The following UNC93A variants were observed in gnomAD, a reference collection of about 807,000 sequenced individuals.
The protein encoded by UNC93A is N-acetylglucosamine transporter UNC93A.
Under a neutral mutation model 47.5 loss-of-function variants are expected in UNC93A, and 43 were observed. The ratio of observed to expected loss-of-function variants is 0.91; its 90% CI spans 0.71 to 1.17. UNC93A has a LOEUF of 1.17. Ranked by LOEUF, UNC93A falls within the 50% of genes most tolerant of loss-of-function variation. The pLI, the probability that UNC93A is intolerant of heterozygous loss-of-function variation, is 0.00. For synonymous variants in UNC93A, 280 were observed against 258.0 expected (o/e 1.09, Z -0.82); for missense variants, 605 against 577.6 (o/e 1.05, Z -0.49).
intron 6 of UNC93A, 125 bp from the exon 7 acceptor site, chr6:167,307,654 A>G: frequency 8.3e-7 from 1 of 1,210,742 alleles, no homozygotes; most frequent in Non-Finnish European, 1.2e-6. Flanking sequence ...GATGGTTGAG[A>G]CGGTTCCAGA....
Position 167,296,587 on chromosome 6 carries a change from A to G in UNC93A, c.499+326A>G, listed in dbSNP as rs190627868. Among the ~76,000 whole-genome samples, 530 of 152,306 alleles carry G rather than the reference A, an allele frequency of 3.5e-3. 3 individuals are homozygous for G. Among genetic ancestry groups the G allele is most frequent in the African/African-American group, 0.012 (488 of 41,558 alleles). ...GTGTTCATGGAGTCTCAACTGCACA[A>G]CTGTCCTTTTTAGACTAAGGATGGG... is the stretch of plus-strand genomic sequence containing the variant. On this transcript the variant is annotated intron_variant, in intron 3 of 7. Coordinates refer to ENST00000230256, the MANE Select transcript of UNC93A (RefSeq NM_018974.4).
upstream of UNC93A, among the ~76,000 whole-genome samples, chr6:167,291,118 A>C (rs927566270): frequency 6.6e-6 from 1 of 152,214 alleles, no homozygotes; most frequent in Non-Finnish European, 1.5e-5. Flanking sequence ...TTCTATATAC[A>C]CATAAAAAGT....
intron 5 of UNC93A, 62 bp from the exon 6 acceptor site, chr6:167,305,853 T>A: frequency 1.2e-6 from 2 of 1,610,272 alleles, no homozygotes; most frequent in Non-Finnish European, 1.7e-6. Flanking sequence ...CGACTGCAGC[T>A]TTAGCTTGAG....
chr6:167,313,758 G>A (rs981662964), intron 7 of UNC93A, among the ~76,000 whole-genome samples: 3 of 152,090 alleles, frequency 2.0e-5, no homozygotes, highest in African/African-American at 4.8e-5. Flanking sequence ...ACCACTTATA[G>A]CCATGGTGTC....
At position 167,294,717 on chromosome 6, in the gene UNC93A, C is replaced by A; in HGVS notation, c.269+19C>A. On this transcript the variant is annotated intron_variant, in intron 2 of 7. Transcript: ENST00000230256. ...CCAGCTGGTACGCAGCCACCACCCC[C>A]TGCCCACCCCACCCCGGCCGTTCCC... The A allele has an allele frequency of 6.4e-7, 1 of 1,571,198 alleles. No individual in the cohort carries two copies. The highest frequency in any genetic ancestry group is 1.2e-5 in the South Asian group (1 of 83,626).
intron 2 of UNC93A, 56 bp downstream of exon 2, chr6:167,294,754 C>A: frequency 7.9e-6 from 12 of 1,526,632 alleles, no homozygotes; most frequent in South Asian, 3.7e-5. Flanking sequence ...ACGCTAGGGA[C>A]GTTCACTCTG....
chr6:167,284,522 C>T (rs1332471660), intron 1 of UNC93A, among the ~76,000 whole-genome samples: 3 of 152,288 alleles, frequency 2.0e-5, no homozygotes, highest in Non-Finnish European at 2.9e-5. Flanking sequence ...GCCAGGCATG[C>T]CCATCCTCTC....
At chr6:167,305,389 T>C (rs566643901) in intron 5 of UNC93A, among the ~76,000 whole-genome samples, 2 of 152,332 alleles carry the variant, frequency 1.3e-5, no homozygotes, top group South Asian at 4.1e-4. Context: ...GATGTGGCTG[T>C]GGCTGGTCTT....
At chr6:167,307,756 C>A in intron 6 of UNC93A, 23 bp from the exon 7 acceptor site, 2 of 1,611,960 alleles carry the variant, frequency 1.2e-6, no homozygotes, top group African/African-American at 2.7e-5. Flanking sequence ...CATCGCCTGG[C>A]GGTTTCCCCT....
intron 1 of UNC93A, among the ~76,000 whole-genome samples, chr6:167,283,050 T>A (rs1431605305): frequency 4.6e-5 from 7 of 152,100 alleles, no homozygotes; most frequent in Admixed American, 4.6e-4. Flanking sequence ...AGATGGCAAA[T>A]GTTTCCCATT....
At chr6:167,314,067 C>G (rs1054672398) in intron 7 of UNC93A, among the ~76,000 whole-genome samples, 1 of 152,124 alleles carries the variant, frequency 6.6e-6, no homozygotes, top group Non-Finnish European at 1.5e-5. Flanking sequence ...AGCGCATCTG[C>G]GTTGGTCTTC....
intron 1 of UNC93A, among the ~76,000 whole-genome samples, chr6:167,275,341 GGCTTTCT>G (rs1310181129): frequency 6.6e-6 from 1 of 152,188 alleles, no homozygotes; most frequent in Non-Finnish European, 1.5e-5. Flanking sequence ...TTGGCAACGT[GGCTTTCT>G]ATCTGTTGGA....
At chr6:167,305,732 G>A (rs1583088716) in intron 5 of UNC93A, among the ~76,000 whole-genome samples, 183 bp from the exon 6 acceptor site, 1 of 152,290 alleles carries the variant, frequency 6.6e-6, no homozygotes, top group East Asian at 1.9e-4. Flanking sequence ...TCCCCAAACA[G>A]GATTTTCTTA....
chr6:167,280,698 TATC>T (rs1279605132), intron 1 of UNC93A, among the ~76,000 whole-genome samples: 5 of 152,168 alleles, frequency 3.3e-5, no homozygotes, highest in African/African-American at 9.7e-5. Flanking sequence ...CACTCTGTCT[TATC>T]ATAAGTTCCT....
chr6:167,313,624 G>A (rs1329747844), intron 7 of UNC93A, among the ~76,000 whole-genome samples: 1 of 152,062 alleles, frequency 6.6e-6, no homozygotes, highest in African/African-American at 2.4e-5. Context: ...TTCCCAAAAA[G>A]TTAGCTTAAA....
chr6:167,301,130 G>C (rs935002035), intron 4 of UNC93A, among the ~76,000 whole-genome samples: 3 of 152,256 alleles, frequency 2.0e-5, no homozygotes, highest in Admixed American at 1.3e-4. Context: ...CCCTGCTCTA[G>C]AGGAACAGCA....
Position 167,294,604 on chromosome 6 carries a change from C to A in UNC93A, c.175C>A (p.Pro59Thr). 1 of 1,614,020 alleles carries A rather than the reference C, an allele frequency of 6.2e-7. No individual in the cohort carries two copies. Among genetic ancestry groups the A allele is most frequent in the Non-Finnish European group, 8.5e-7 (1 of 1,179,952 alleles). Reference sequence around the variant, plus strand: ...GCTCCTGTCCTCCATGTTCCTCCCACCGCTCCTCATCGAGAGGCTGGGCTG... The same window carrying A: ...GCTCCTGTCCTCCATGTTCCTCCCAACGCTCCTCATCGAGAGGCTGGGCTG... ...GMLLSSMFLP[P>T]LLIERLGCKG... Residue 59 changes from proline to threonine, a missense_variant, in exon 2 of 8, where the codon CCG becomes ACG. Pro to Thr is a conservative substitution (Grantham distance 38, BLOSUM62 -1). Coordinates refer to ENST00000230256, the MANE Select transcript of UNC93A (RefSeq NM_018974.4).
At chr6:167,310,009 C>A (rs1778513768) in intron 7 of UNC93A, among the ~76,000 whole-genome samples, 1 of 152,174 alleles carries the variant, frequency 6.6e-6, no homozygotes, top group Admixed American at 6.5e-5. Context: ...GGAGGGGAGA[C>A]AAACAGCAAC....
At chr6:167,310,160 C>T in intron 7 of UNC93A, among the ~76,000 whole-genome samples, 1 of 152,224 alleles carries the variant, frequency 6.6e-6, no homozygotes, top group Non-Finnish European at 1.5e-5. Context: ...GCCGGTGTTT[C>T]ACTGAGCTCC....
Sources: allele counts gnomAD v4.1 joint callset (sites outside exome capture counted in the v4.1 genomes callset), GRCh38; gene constraint gnomAD v4.1.1; transcripts MANE v1.5; gene names NCBI Gene and HGNC (gene_info 2026-07-23, HGNC 2026-07-21).